The following MAGI2 variants were observed in gnomAD, a reference collection of about 807,000 sequenced individuals.
MAGI2 encodes the protein membrane associated guanylate kinase, WW and PDZ domain containing 2.
MAGI2 carries 35 observed loss-of-function variants against 133.3 expected under a neutral mutation model. The observed-to-expected ratio is 0.26, with a 90% CI of 0.20 to 0.35. The LOEUF is 0.35. Ranked by LOEUF, MAGI2 falls within the 10% of genes least tolerant of loss-of-function variation. MAGI2 has a pLI of 1.00. For synonymous variants in MAGI2, 729 were observed against 710.6 expected (o/e 1.03, Z -0.41); for missense variants, 1,636 against 1,863.4 (o/e 0.88, Z 2.25).
chr7:78,256,335 G>C lies in MAGI2; in HGVS notation c.1655C>G (p.Ser552Cys). Residue 552 changes from serine (S) to cysteine (C), a missense_variant, in exon 10 of 22, where the codon TCT (serine) becomes TGT (cysteine). Physicochemically the swap from Ser to Cys is moderately radical, Grantham distance 112. This residue lies in a region of MAGI2 where 920 missense variants were observed against 1,093.5 expected (regional missense o/e 0.84). Transcript: ENST00000354212. ...ATCTGGAACTGACTGTGAGGTCCGA[G>C]AAATGTACTCCAAATATGTTTCATA... ...HNYETYLEYI[S>C]RTSQSVPDIT... 6.2e-7 allele frequency: 1 copy of C among 1,614,104 alleles called. No homozygotes were observed. The highest frequency in any genetic ancestry group is 8.5e-7 in the Non-Finnish European group (1 of 1,180,000).
intron 2 of MAGI2, among the ~76,000 whole-genome samples, chr7:78,949,224 T>C (rs1229445708): frequency 6.6e-6 from 1 of 152,196 alleles, no homozygotes; most frequent in Non-Finnish European, 1.5e-5. Context: ...TACAATTATT[T>C]AGAAAAGTTC....
intron 1 of MAGI2, among the ~76,000 whole-genome samples, chr7:79,013,981 T>C (rs1808438584): frequency 6.6e-6 from 1 of 152,216 alleles, no homozygotes; most frequent in South Asian, 2.1e-4. Flanking sequence ...ACAATCTTTT[T>C]AATCATGCTT....
intron 1 of MAGI2, among the ~76,000 whole-genome samples, chr7:79,281,041 C>T (rs1331201308): frequency 1.4e-5 from 2 of 147,108 alleles, no homozygotes; most frequent in Non-Finnish European, 3.0e-5. Flanking sequence ...AGTGACATGT[C>T]TGTCTAGAGA....
intron 2 of MAGI2, among the ~76,000 whole-genome samples, chr7:78,769,530 G>C (rs1007134644): frequency 1.3e-5 from 2 of 151,982 alleles, no homozygotes; most frequent in African/African-American, 4.8e-5. Context: ...TAAAAAGGCA[G>C]GCGAACTGAA....
rs1034588453 is a variant in MAGI2, at chr7:78,050,270, C to T, written c.3706+28677G>A. Among the ~76,000 whole-genome samples the T allele has an allele frequency of 6.6e-5, 10 of 152,316 alleles. 1 individual carries two copies. In the South Asian group the frequency reaches 2.1e-3, roughly 32 times the overall value. ...TTTTTACCCTTGGCTGTAAACCTGT[C>T]TGAACCTTAGGGATCTCATATTTAA... On this transcript the variant is annotated intron_variant, in intron 21 of 21. Transcript: ENST00000354212.
intron 1 of MAGI2, among the ~76,000 whole-genome samples, chr7:79,214,321 A>C (rs1487375760): frequency 7.1e-6 from 1 of 140,292 alleles, no homozygotes; most frequent in Non-Finnish European, 1.5e-5. Flanking sequence ...TGGTTGCTAC[A>C]GCATCTATGC....
chr7:78,265,998 G>C (rs988769203), intron 9 of MAGI2, among the ~76,000 whole-genome samples: 1 of 152,158 alleles, frequency 6.6e-6, no homozygotes, highest in African/African-American at 2.4e-5. Flanking sequence ...ACCCGCAACT[G>C]TCAATAGCCT....
chr7:78,640,020 T>C (rs1243406588), intron 2 of MAGI2, among the ~76,000 whole-genome samples: 2 of 152,172 alleles, frequency 1.3e-5, no homozygotes, highest in Non-Finnish European at 2.9e-5. Context: ...GAGATTTTAG[T>C]ATTCGACACA....
Position 78,135,343 on chromosome 7 carries a change from T to G in MAGI2, c.2846-137A>C, listed in dbSNP as rs764193000. On this transcript the variant is annotated intron_variant, in intron 16 of 21. Coordinates refer to ENST00000354212, the MANE Select transcript of MAGI2 (RefSeq NM_012301.4). ...ATTTGCCTTTTGAAATCACACTAAT[T>G]TCTATCAAATGGGGTCCTGTGCATA... 4.1e-6 allele frequency: 3 copies of G among 730,806 alleles called. No individual in the cohort carries two copies. The East Asian group carries it at 8.0e-5, about 19-fold the overall frequency. 45.3% of individuals were successfully genotyped at this position (730,806 alleles called of 1,614,324 possible).
At chr7:78,655,454 C>CAAAAAAAAAAAAAAAAAAAAAAACAAAA in intron 2 of MAGI2, among the ~76,000 whole-genome samples, 1 of 64,948 alleles carries the variant, frequency 1.5e-5, no homozygotes, top group Non-Finnish European at 2.8e-5. Context: ...AAAAAACAAC[C>CAAAAAAAAAAAAAAAAAAAAAAACAAAA]AAAAAAAAAA....
chr7:78,325,562 A>G (rs1788502075), intron 9 of MAGI2, among the ~76,000 whole-genome samples: 1 of 152,232 alleles, frequency 6.6e-6, no homozygotes, highest in Admixed American at 6.5e-5. Flanking sequence ...AAGAGGGAAC[A>G]CTAATTCTAT....
intron 2 of MAGI2, among the ~76,000 whole-genome samples, chr7:78,874,141 T>C (rs185510937): frequency 1.1e-4 from 16 of 152,276 alleles, no homozygotes; most frequent in African/African-American, 3.6e-4. Context: ...AGACATATGC[T>C]AATAAAAAAT....
At chr7:78,419,860 G>T (rs1429778387) in intron 6 of MAGI2, among the ~76,000 whole-genome samples, 3 of 152,108 alleles carry the variant, frequency 2.0e-5, no homozygotes, top group Non-Finnish European at 4.4e-5. Context: ...CTTGCTTGGA[G>T]AGTAGCATTG....
chr7:78,714,048 G>T (rs1396092448), intron 2 of MAGI2, among the ~76,000 whole-genome samples: 1 of 127,202 alleles, frequency 7.9e-6, no homozygotes, highest in East Asian at 2.5e-4. Flanking sequence ...AAAGAGCACA[G>T]TTGTGTGATA....
At chr7:78,090,436 A>C (rs80186520) in intron 20 of MAGI2, among the ~76,000 whole-genome samples, 14,507 of 152,140 alleles carry the variant, frequency 0.095, 774 homozygotes, top group African/African-American at 0.11. Flanking sequence ...GGCACAAATG[A>C]TTAATGGCAG....
At chr7:78,991,647 T>G (rs1413350167) in intron 2 of MAGI2, among the ~76,000 whole-genome samples, 1 of 151,786 alleles carries the variant, frequency 6.6e-6, no homozygotes, top group Non-Finnish European at 1.5e-5. Context: ...GGCCATGTGC[T>G]TGATATAGCT....
At chr7:78,979,166 G>T (rs1296058632) in intron 2 of MAGI2, among the ~76,000 whole-genome samples, 1 of 151,828 alleles carries the variant, frequency 6.6e-6, no homozygotes, top group Non-Finnish European at 1.5e-5. Flanking sequence ...TTATGTAACA[G>T]GCTTAGAGGA....
intron 20 of MAGI2, among the ~76,000 whole-genome samples, chr7:78,086,239 A>ATT (rs1816621793): frequency 1.6e-5 from 2 of 126,816 alleles, no homozygotes; most frequent in Admixed American, 8.2e-5. Context: ...TTAATTTTTA[A>ATT]TGTTTTTTTT....
chr7:78,083,379 GGAGGGGGGGAGA>G (rs1816209208), intron 20 of MAGI2, among the ~76,000 whole-genome samples: 1 of 91,374 alleles, frequency 1.1e-5, no homozygotes, highest in African/African-American at 4.5e-5. Flanking sequence ...GGGGAGGGAG[GGAGGGGGGGAGA>G]GAGAGAGAGA....
Sources: allele counts gnomAD v4.1 joint callset (sites outside exome capture counted in the v4.1 genomes callset), GRCh38; gene constraint gnomAD v4.1.1; regional missense constraint gnomAD v4.1.1; transcripts MANE v1.5; gene names NCBI Gene and HGNC (gene_info 2026-07-23, HGNC 2026-07-21).